TPX2: variants seen among roughly 807,000 people sequenced by gnomAD.
The protein encoded by TPX2 is targeting protein for Xklp2.
Under a neutral mutation model 93.6 loss-of-function variants are expected in TPX2, and 21 were observed. The observed-to-expected ratio is 0.22, with a 90% confidence interval of 0.16 to 0.32. TPX2 has a LOEUF of 0.32. Ranked by LOEUF, TPX2 falls within the 10% of genes least tolerant of loss-of-function variation. The probability of loss-of-function intolerance (pLI) is 1.00; values close to 1 mark genes in which losing one functional copy is unlikely to be tolerated. For missense variants in TPX2, 776 were observed against 871.1 expected (o/e 0.89, Z 1.37); for synonymous variants, 281 against 298.3 (o/e 0.94, Z 0.60).
intron 16 of TPX2, among the ~76,000 whole-genome samples, 181 bp downstream of exon 16, chr20:31,797,696 A>G (rs894525359): frequency 1.3e-5 from 2 of 152,106 alleles, no homozygotes; most frequent in African/African-American, 4.8e-5. Flanking sequence ...AGCTATGTTG[A>G]GTTGCAGGAT....
At chr20:31,800,199 C>A (rs935090057) in intron 17 of TPX2, among the ~76,000 whole-genome samples, 3 of 152,150 alleles carry the variant, frequency 2.0e-5, no homozygotes, top group Non-Finnish European at 4.4e-5. Flanking sequence ...GGAGACCAGC[C>A]TCTTGGTAAA....
chr20:31,754,560 G>T (rs1219169400), intron 2 of TPX2, among the ~76,000 whole-genome samples: 8 of 152,150 alleles, frequency 5.3e-5, no homozygotes, highest in Non-Finnish European at 1.2e-4. Flanking sequence ...AGAGTTTGGG[G>T]AACTGGCACA....
At chr20:31,789,392 A>G (rs950324219) in intron 12 of TPX2, among the ~76,000 whole-genome samples, 1 of 152,180 alleles carries the variant, frequency 6.6e-6, no homozygotes, top group Non-Finnish European at 1.5e-5. Context: ...TAGGAATTCA[A>G]AGATGGTATA....
At chr20:31,770,850 G>A (rs2061960702) in intron 6 of TPX2, among the ~76,000 whole-genome samples, 1 of 150,088 alleles carries the variant, frequency 6.7e-6, no homozygotes, top group African/African-American at 2.4e-5. Flanking sequence ...TTTCACAGAG[G>A]TCTAAAAGTA....
intron 8 of TPX2, among the ~76,000 whole-genome samples, 159 bp from the exon 9 acceptor site, chr20:31,777,328 A>G (rs2062006736): frequency 6.6e-6 from 1 of 152,232 alleles, no homozygotes; most frequent in South Asian, 2.1e-4. Context: ...CACATATATT[A>G]GTGTCCCTGA....
intron 12 of TPX2, among the ~76,000 whole-genome samples, chr20:31,785,502 G>T (rs1345667248): frequency 4.9e-5 from 7 of 142,160 alleles, no homozygotes; most frequent in African/African-American, 1.3e-4. Flanking sequence ...TTTTTGTTTT[G>T]TTTTTTTTTT....
chr20:31,783,847 A>G lies in TPX2; in HGVS notation c.1339A>G (p.Lys447Glu). 1 of 1,608,932 alleles carries G rather than the reference A, an allele frequency of 6.2e-7. No homozygotes were observed. Among genetic ancestry groups the G allele is most frequent in the African/African-American group, 1.3e-5 (1 of 74,606 alleles). ...GAAAAGAATCCAGGAGCGAGAATCA[A>G]AGAAGAAAACAGAGGATGAACACTT... is the stretch of plus-strand genomic sequence containing the variant. ...IEKRIQERES[K>E]KKTEDEHFEF... The change falls in exon 12 of 18, where the codon AAG (lysine) becomes GAG (glutamate). Residue 447 changes from lysine (K) to glutamate (E), a missense_variant. Around this residue, in one of 3 missense-constraint regions of TPX2, gnomAD observed 461 missense variants for 551.2 expected, o/e 0.84. Transcript: ENST00000300403.
At chr20:31,753,103 A>G (rs1366226915) in intron 2 of TPX2, among the ~76,000 whole-genome samples, 9 of 152,326 alleles carry the variant, frequency 5.9e-5, no homozygotes, top group Admixed American at 1.3e-4. Flanking sequence ...GACTGGGGAT[A>G]CCAAAGAACC....
intron 2 of TPX2, among the ~76,000 whole-genome samples, chr20:31,747,957 T>C (rs1050392082): frequency 6.6e-6 from 1 of 152,088 alleles, no homozygotes; most frequent in Non-Finnish European, 1.5e-5. Flanking sequence ...CACATCCTCA[T>C]ATTTATTATT....
chr20:31,763,888 G>A (rs184759899), intron 4 of TPX2, among the ~76,000 whole-genome samples: 94 of 151,304 alleles, frequency 6.2e-4, no homozygotes, highest in Middle Eastern at 6.8e-3. Flanking sequence ...GTGTGGTGGT[G>A]CGCACCTGTA....
At chr20:31,783,575 T>A in intron 11 of TPX2, 130 bp from the exon 12 acceptor site, 1 of 919,376 alleles carries the variant, frequency 1.1e-6, no homozygotes, top group Non-Finnish European at 1.6e-6. Context: ...TTTATTTATT[T>A]TATTCTGTTG....
rs1038420884 is a variant in TPX2, at chr20:31,782,342, G to A, written c.1148G>A (p.Cys383Tyr). 16 of 1,613,328 alleles carry A rather than the reference G, an allele frequency of 9.9e-6. No homozygotes were observed. Among genetic ancestry groups the A allele is most frequent in the African/African-American group, 1.3e-5 (1 of 74,906 alleles). The change falls in exon 11 of 18, where the codon TGC (cysteine) becomes TAC (tyrosine). Residue 383 changes from cysteine (C) to tyrosine (Y), a missense_variant. By Grantham distance (194) the Cys-to-Tyr change is radical (BLOSUM62 -2). Around this residue, in one of 3 missense-constraint regions of TPX2, gnomAD observed 461 missense variants for 551.2 expected, o/e 0.84. Coordinates refer to ENST00000300403, the MANE Select transcript of TPX2 (RefSeq NM_012112.5). ...AAACACCGTGCACGGGCTGTGACCT[G>A]CAAAAGTACAGCAGAGCTGGAGGCT... Reference protein sequence around the residue: ...QTKHRARAVTCKSTAELEAEE... With the variant: ...QTKHRARAVTYKSTAELEAEE...
chr20:31,782,838 A>G (rs2062041363), intron 11 of TPX2, among the ~76,000 whole-genome samples: 1 of 151,690 alleles, frequency 6.6e-6, no homozygotes, highest in African/African-American at 2.4e-5. Context: ...AGATCACGCC[A>G]ATATACTCCA....
Position 31,783,728 on chromosome 20 carries a change from T to C in TPX2, c.1220T>C (p.Leu407Pro). Residue 407 changes from leucine to proline, a missense_variant, in exon 12 of 18, where the codon CTT becomes CCT. Leu to Pro is a moderately conservative substitution (Grantham distance 98, BLOSUM62 -3). Transcript: ENST00000300403. ...AGATACAAATTCAAAGCACGTGAAC[T>C]TGATCCCAGAATACTTGAAGGTGGG... is the stretch of plus-strand genomic sequence containing the variant. ...LQQYKFKARE[L>P]DPRILEGGPI... 2 of 1,607,374 alleles carry C rather than the reference T, an allele frequency of 1.2e-6. No homozygotes were observed. The highest frequency in any genetic ancestry group is 1.7e-6 in the Non-Finnish European group (2 of 1,178,610).
Position 31,778,808 on chromosome 20 carries a change from T to C in TPX2, c.883-5T>C, listed in dbSNP as rs745580690. On this transcript the variant is annotated splice_region_variant and splice_polypyrimidine_tract_variant and intron_variant, in intron 9 of 17. Transcript: ENST00000300403. Reference sequence around the variant, plus strand: ...TCATTTGGGGAACAACTTTTCTCTTTACAGGCCCGAGTGACTAAGGGATGT... The same window carrying C: ...TCATTTGGGGAACAACTTTTCTCTTCACAGGCCCGAGTGACTAAGGGATGT... 6.4e-7 allele frequency: 1 copy of C among 1,551,774 alleles called. No homozygotes were observed. The highest frequency in any genetic ancestry group is 8.7e-7 in the Non-Finnish European group (1 of 1,155,234).
At position 31,797,518 on chromosome 20, in the gene TPX2, A is replaced by G; in HGVS notation, c.1945+3A>G. The G allele has an allele frequency of 1.6e-5, 26 of 1,613,252 alleles. No individual in the cohort carries two copies. Among genetic ancestry groups the G allele is most frequent in the Non-Finnish European group, 2.1e-5 (25 of 1,179,358 alleles). On this transcript the variant is annotated splice_donor_region_variant and intron_variant, in intron 16 of 17. Transcript: ENST00000300403. ...GAAAGAGAAGAAATCAGTTGCTGGT[A>G]GTATTATATGTACTCTGATGGGACT... is the stretch of plus-strand genomic sequence containing the variant.
At chr20:31,747,758 G>A (rs1174491510) in intron 2 of TPX2, among the ~76,000 whole-genome samples, 1 of 147,250 alleles carries the variant, frequency 6.8e-6, no homozygotes, top group African/African-American at 2.5e-5. Flanking sequence ...GAATGTGGTT[G>A]ACGCATGTGC....
intron 8 of TPX2, among the ~76,000 whole-genome samples, chr20:31,776,510 A>G (rs2062000583): frequency 6.6e-6 from 1 of 151,662 alleles, no homozygotes; most frequent in Admixed American, 6.6e-5. Context: ...GTACTTAAAT[A>G]TATCGGTACT....
intron 12 of TPX2, among the ~76,000 whole-genome samples, chr20:31,785,549 G>A (rs2062060521): frequency 6.6e-6 from 1 of 151,556 alleles, no homozygotes; most frequent in Non-Finnish European, 1.5e-5. Context: ...CCAGGCTGGA[G>A]TGCAATGGCG....
Sources: gnomAD v4.1 joint callset for allele counts (sites outside exome capture counted in the v4.1 genomes callset) on GRCh38, gnomAD v4.1.1 for gene constraint, gnomAD v4.1.1 regional missense constraint, MANE v1.5 for transcripts, NCBI Gene and HGNC (gene_info 2026-07-23, HGNC 2026-07-21) for gene names.